The following ADAMTS12 variants were observed in gnomAD, a reference collection of about 807,000 sequenced individuals.
The protein encoded by ADAMTS12 is ADAM metallopeptidase with thrombospondin type 1 motif 12.
ADAMTS12 carries 118 observed loss-of-function variants against 167.8 expected under a neutral mutation model. The observed-to-expected ratio is 0.70, with a 90% CI of 0.61 to 0.82. ADAMTS12 has a LOEUF of 0.82. ADAMTS12 is among the 40% of genes least tolerant of loss of function. The pLI, the probability that ADAMTS12 is intolerant of heterozygous loss-of-function variation, is 0.00. For missense variants in ADAMTS12, 1,916 were observed against 1,998.8 expected (o/e 0.96, Z 0.79); for synonymous variants, 704 against 716.9 (o/e 0.98, Z 0.29).
chr5:33,603,621 T>C (rs1293483382), intron 16 of ADAMTS12: 1 of 152,124 alleles, frequency 6.6e-6, no homozygotes, highest in East Asian at 1.9e-4. Flanking sequence ...TCTCTGAGAG[T>C]GCCCTTTACC....
intron 23 of ADAMTS12, among the ~76,000 whole-genome samples, chr5:33,534,231 G>T (rs1385054675): frequency 1.3e-5 from 2 of 152,152 alleles, no homozygotes; most frequent in Non-Finnish European, 2.9e-5. Context: ...CAACTTGGGG[G>T]TATAACTTGT....
In ADAMTS12 at chr5:33,536,976, T is replaced by A. The variant is rs563475998; in HGVS notation, c.4447-1984A>T. Among the ~76,000 whole-genome samples, 213 of 152,350 alleles carry A rather than the reference T, an allele frequency of 1.4e-3. 1 individual carries two copies. Among genetic ancestry groups the A allele is most frequent in the African/African-American group, 4.8e-3 (201 of 41,584 alleles). On this transcript the variant is annotated intron_variant, in intron 22 of 23. Transcript: ENST00000504830. Reference sequence around the variant, plus strand: ...TTATAAAGAGCCTAGTCCTGAAATATATCCAGGCAGCTGGGGCAAGGCCTG... The same window carrying A: ...TTATAAAGAGCCTAGTCCTGAAATAAATCCAGGCAGCTGGGGCAAGGCCTG...
At chr5:33,735,333 G>C (rs566394313) in intron 3 of ADAMTS12, among the ~76,000 whole-genome samples, 29 of 152,140 alleles carry the variant, frequency 1.9e-4, no homozygotes, top group Non-Finnish European at 4.1e-4. Context: ...CTGCTGGTCC[G>C]GGGACTAAAC....
intron 7 of ADAMTS12, among the ~76,000 whole-genome samples, 193 bp from the exon 8 acceptor site, chr5:33,649,890 T>TA (rs11424273): frequency 0.57 from 85,948 of 152,006 alleles, 24,961 homozygotes; most frequent in East Asian, 0.67. Context: ...GGGAGCATTG[T>TA]AGGCATGCTT....
intron 2 of ADAMTS12, among the ~76,000 whole-genome samples, chr5:33,817,478 A>T (rs1747707105): frequency 6.6e-6 from 1 of 152,150 alleles, no homozygotes; most frequent in South Asian, 2.1e-4. Flanking sequence ...GGAGTTCTTT[A>T]TATTGTTATT....
intron 19 of ADAMTS12, among the ~76,000 whole-genome samples, chr5:33,569,334 G>A (rs1401926026): frequency 1.3e-5 from 2 of 152,192 alleles, no homozygotes; most frequent in South Asian, 2.1e-4. Flanking sequence ...CAGCCTAACT[G>A]GGAGGCACCC....
intron 1 of ADAMTS12, among the ~76,000 whole-genome samples, chr5:33,886,128 T>C (rs1019503236): frequency 1.3e-5 from 2 of 152,206 alleles, no homozygotes; most frequent in African/African-American, 4.8e-5. Flanking sequence ...TTAAACATGA[T>C]TTTTGAAAGT....
chr5:33,727,117 A>T (rs566310191), intron 3 of ADAMTS12, among the ~76,000 whole-genome samples: 1 of 151,960 alleles, frequency 6.6e-6, no homozygotes, highest in Non-Finnish European at 1.5e-5. Context: ...CACCTGCCCT[A>T]TGCTGCTGGA....
intron 2 of ADAMTS12, among the ~76,000 whole-genome samples, chr5:33,767,900 C>T (rs1489965572): frequency 6.6e-6 from 1 of 152,072 alleles, no homozygotes; most frequent in African/African-American, 2.4e-5. Context: ...AAGAAATGAA[C>T]AAACATGTCT....
At chr5:33,830,959 T>C (rs1030050959) in intron 2 of ADAMTS12, among the ~76,000 whole-genome samples, 1 of 152,174 alleles carries the variant, frequency 6.6e-6, no homozygotes, top group Non-Finnish European at 1.5e-5. Flanking sequence ...ACTAAAACAG[T>C]AGCATGATTT....
Position 33,576,463 on chromosome 5 carries a change from G to GGA in ADAMTS12, c.3561_3562dup (p.Pro1188LeufsTer14), listed in dbSNP as rs1201584182. 1.2e-6 allele frequency: 2 copies of GGA among 1,609,054 alleles called. No homozygotes were observed. The highest frequency in any genetic ancestry group is 2.2e-5 in the South Asian group (2 of 90,070). On this transcript the variant is annotated frameshift_variant, in exon 19 of 24. Coordinates refer to ENST00000504830, the MANE Select transcript of ADAMTS12 (RefSeq NM_030955.4). LOFTEE classifies it high-confidence loss of function. ...AAGTGGCATTTCTGTACTTTCCACT[G>GGA]GAGCGTCATTTCCAGGTACTCTGAT...
At chr5:33,694,324 A>C (rs1742672192) in intron 3 of ADAMTS12, among the ~76,000 whole-genome samples, 1 of 152,202 alleles carries the variant, frequency 6.6e-6, no homozygotes, top group Non-Finnish European at 1.5e-5. Context: ...TCAACCATCT[A>C]AATTGTTCCT....
At chr5:33,807,973 A>AT (rs1383615344) in intron 2 of ADAMTS12, among the ~76,000 whole-genome samples, 1 of 152,212 alleles carries the variant, frequency 6.6e-6, no homozygotes, top group Non-Finnish European at 1.5e-5. Flanking sequence ...CTCTCAAGTG[A>AT]TTACAGCATA....
At chr5:33,568,268 G>GA (rs1482707465) in intron 19 of ADAMTS12, among the ~76,000 whole-genome samples, 2 of 152,188 alleles carry the variant, frequency 1.3e-5, no homozygotes, top group Non-Finnish European at 2.9e-5. Flanking sequence ...TAAGATGACA[G>GA]AAAATGTGAT....
chr5:33,560,938 C>T (rs1294745236), intron 20 of ADAMTS12, 89 bp downstream of exon 20: 128 of 1,268,784 alleles, frequency 1.0e-4, no homozygotes, highest in Non-Finnish European at 1.3e-4. Flanking sequence ...AAAAAAAAAA[C>T]GACTTTAGCA....
rs550166491 is a variant in ADAMTS12, at chr5:33,538,113, A to T, written c.4447-3121T>A. ...CCTAGTTTCACACTGCTATAAAGAC[A>T]TACCTGAGACTGGGTAATTTATTAA... On this transcript the variant is annotated intron_variant, in intron 22 of 23. Transcript: ENST00000504830. Among the ~76,000 whole-genome samples, 6 of 152,296 alleles carry T rather than the reference A, an allele frequency of 3.9e-5. No homozygotes were observed. In the South Asian group the frequency reaches 6.2e-4, roughly 16 times the overall value.
intron 22 of ADAMTS12, among the ~76,000 whole-genome samples, chr5:33,536,184 T>C (rs1260276215): frequency 1.3e-5 from 2 of 152,172 alleles, no homozygotes; most frequent in Non-Finnish European, 2.9e-5. Flanking sequence ...TCACCCAGGC[T>C]GAAAGGCAGC....
chr5:33,825,777 G>T (rs544048404), intron 2 of ADAMTS12, among the ~76,000 whole-genome samples: 45 of 152,178 alleles, frequency 3.0e-4, no homozygotes, highest in Non-Finnish European at 6.2e-4. Context: ...AAGTGGGAGA[G>T]AAAGTAAGAC....
At chr5:33,747,369 C>G (rs1379307685) in intron 3 of ADAMTS12, among the ~76,000 whole-genome samples, 1 of 151,344 alleles carries the variant, frequency 6.6e-6, no homozygotes, top group Non-Finnish European at 1.5e-5. Flanking sequence ...AATGAGATAC[C>G]ACTTCATATT....
Sources: gnomAD v4.1 joint callset for allele counts (sites outside exome capture counted in the v4.1 genomes callset) on GRCh38, gnomAD v4.1.1 for gene constraint, MANE v1.5 for transcripts, NCBI Gene and HGNC (gene_info 2026-07-23, HGNC 2026-07-21) for gene names.